Variants in REPS2 observed in about 807,000 individuals in gnomAD.
REPS2 encodes the protein ralBP1-associated Eps domain-containing protein 2.
A neutral mutation model predicts 53.6 loss-of-function variants in REPS2; 23 were observed. The observed-to-expected ratio is 0.43, with a 90% CI of 0.31 to 0.61. The LOEUF (loss-of-function observed/expected upper bound fraction) is 0.61, where lower values mean the gene tolerates loss of function less well. Among genes scored for constraint, REPS2 ranks in the 20% least tolerant of loss-of-function variants. The pLI, the probability that REPS2 is intolerant of heterozygous loss-of-function variation, is 0.11. For synonymous variants in REPS2, 238 were observed against 218.6 expected, an observed-to-expected ratio of 1.09 and a Z score of -0.78; for missense variants, 446 against 534.9, an observed-to-expected ratio of 0.83 and a Z score of 1.64.
the REPS2 span, among the ~76,000 whole-genome samples, chrX:17,188,087 T>G: frequency 8.9e-6 from 1 of 111,943 alleles, no homozygotes; most frequent in South Asian, 3.7e-4. Context: ...GCAAGTCACT[T>G]CACCTTTCTG....
chrX:17,070,232 T>A (rs2062285642), intron 11 of REPS2, among the ~76,000 whole-genome samples: 1 of 111,858 alleles, frequency 8.9e-6, no homozygotes, highest in African/African-American at 3.3e-5. Context: ...TCACGAAGGA[T>A]CACTCCGTGT....
chrX:17,149,268 T>C lies in REPS2; in HGVS notation c.*1787T>C, dbSNP rs17312338. 4 of 176,817 alleles carry C rather than the reference T, an allele frequency of 2.3e-5. No homozygotes were observed. The highest frequency in any genetic ancestry group is 3.6e-4 in the East Asian group (2 of 5,508). 14.6% of individuals were successfully genotyped at this position (176,817 alleles called of 1,213,427 possible). On this transcript the variant is annotated 3_prime_UTR_variant, in exon 18 of 18. Coordinates refer to ENST00000357277, the MANE Select transcript of REPS2 (RefSeq NM_004726.3). ...AATTTTTAGGCAACTGCTTTTTCCA[T>C]GTTCTGAGATCTACGGGCTACAACA... is the stretch of plus-strand genomic sequence containing the variant.
At chrX:17,164,528 C>T in the REPS2 span, among the ~76,000 whole-genome samples, 1 of 112,092 alleles carries the variant, frequency 8.9e-6, no homozygotes, top group South Asian at 3.7e-4. Context: ...AGAGTCAATT[C>T]ATCAGGAAGA....
intron 8 of REPS2, among the ~76,000 whole-genome samples, chrX:17,061,980 T>C (rs1384983244): frequency 8.9e-6 from 1 of 112,725 alleles, no homozygotes; most frequent in Non-Finnish European, 1.9e-5. Context: ...CATTATAAGA[T>C]CTTGCCTATT....
chrX:17,133,702 C>A, intron 14 of REPS2, 122 bp from the exon 15 acceptor site: 1 of 595,935 alleles, frequency 1.7e-6, no homozygotes, highest in South Asian at 2.6e-5. Flanking sequence ...CTTAAGCATT[C>A]TTGGCTGCAA....
intron 14 of REPS2, among the ~76,000 whole-genome samples, chrX:17,107,738 C>T (rs1432919942): frequency 9.0e-6 from 1 of 111,699 alleles, no homozygotes; most frequent in Non-Finnish European, 1.9e-5. Flanking sequence ...TGACTATATA[C>T]AAAATTAAGT....
At chrX:17,063,679 T>A (rs111469591) in intron 9 of REPS2, among the ~76,000 whole-genome samples, 2,891 of 111,568 alleles carry the variant, frequency 0.026, 101 homozygotes, top group African/African-American at 0.091. Flanking sequence ...TGCAGAATGC[T>A]TATGACAAAG....
At chrX:16,996,161 C>T (rs144682492) in intron 1 of REPS2, among the ~76,000 whole-genome samples, 80 of 111,103 alleles carry the variant, frequency 7.2e-4, no homozygotes, top group Non-Finnish European at 1.2e-3. Context: ...GAGAGGAAGA[C>T]CAAGCCTTAA....
intron 1 of REPS2, among the ~76,000 whole-genome samples, chrX:16,969,617 T>C (rs1044400349): frequency 9.0e-6 from 1 of 110,665 alleles, no homozygotes; most frequent in Non-Finnish European, 1.9e-5. Context: ...TTGCAGGCAC[T>C]CGGCAGGCTG....
downstream of REPS2, among the ~76,000 whole-genome samples, chrX:17,155,414 A>G (rs2063606021): frequency 9.0e-6 from 1 of 111,678 alleles, no homozygotes; most frequent in Non-Finnish European, 1.9e-5. Context: ...CCACCCCTCA[A>G]CACTGCCACT....
intron 13 of REPS2, chrX:17,099,870 T>G: frequency 2.7e-6 from 2 of 729,065 alleles, no homozygotes; most frequent in South Asian, 4.2e-5. Flanking sequence ...GACATTGACT[T>G]CCTTGGCAGG....
intron 12 of REPS2, among the ~76,000 whole-genome samples, chrX:17,074,823 C>G (rs969456830): frequency 8.9e-6 from 1 of 111,887 alleles, no homozygotes; most frequent in African/African-American, 3.3e-5. Flanking sequence ...ACTGGTAGAA[C>G]TGCAGTGTAA....
intron 8 of REPS2, among the ~76,000 whole-genome samples, chrX:17,061,681 T>C (rs982830563): frequency 3.5e-5 from 4 of 112,683 alleles, no homozygotes; most frequent in African/African-American, 1.3e-4. Flanking sequence ...TTTCTAGCTG[T>C]TGAGATATTT....
the REPS2 span, among the ~76,000 whole-genome samples, chrX:17,175,980 A>G: frequency 1.8e-5 from 2 of 112,270 alleles, no homozygotes; most frequent in African/African-American, 6.5e-5. Context: ...ACTCAGTCAC[A>G]TGTCAATGCC....
chrX:16,957,782 T>A (rs1421886744), intron 1 of REPS2, among the ~76,000 whole-genome samples: 1 of 112,087 alleles, frequency 8.9e-6, no homozygotes, highest in Non-Finnish European at 1.9e-5. Flanking sequence ...AGTCTCAGCA[T>A]GACTGACACT....
At chrX:17,096,825 C>T (rs1437901018) in intron 13 of REPS2, among the ~76,000 whole-genome samples, 1 of 110,981 alleles carries the variant, frequency 9.0e-6, no homozygotes, top group African/African-American at 3.3e-5. Flanking sequence ...ACATTAAGAA[C>T]GACTAAAGAG....
chrX:17,083,077 C>CTTTTT (rs746229224), intron 13 of REPS2, among the ~76,000 whole-genome samples: 12 of 80,573 alleles, frequency 1.5e-4, no homozygotes, highest in African/African-American at 2.6e-4. Context: ...GTTCCGAGCA[C>CTTTTT]TTTTTTTTTT....
chrX:17,165,802 C>T, the REPS2 span, among the ~76,000 whole-genome samples: 1 of 110,932 alleles, frequency 9.0e-6, no homozygotes, highest in Non-Finnish European at 1.9e-5. Flanking sequence ...TACTTGTTTG[C>T]TCATGGTGGT....
At chrX:16,999,290 A>G (rs1360343589) in intron 1 of REPS2, among the ~76,000 whole-genome samples, 1 of 111,778 alleles carries the variant, frequency 8.9e-6, no homozygotes, top group Non-Finnish European at 1.9e-5. Flanking sequence ...TCAAAAGGTA[A>G]ATTGTAATTC....
Sources: allele counts gnomAD v4.1 joint callset (sites outside exome capture counted in the v4.1 genomes callset), GRCh38; gene constraint gnomAD v4.1.1; transcripts MANE v1.5; gene names NCBI Gene and HGNC (gene_info 2026-07-23, HGNC 2026-07-21).